GSE1: variants seen among roughly 807,000 people sequenced by gnomAD.
GSE1 encodes Gse1 coiled-coil protein.
Under a neutral mutation model 112.6 loss-of-function variants are expected in GSE1, and 32 were observed. The ratio of observed to expected loss-of-function variants is 0.28; its 90% confidence interval spans 0.21 to 0.38. The LOEUF is 0.38. GSE1 is among the 10% of genes least tolerant of loss of function. The pLI is 1.00. For missense variants in GSE1, 2,348 were observed against 1,699.2 expected (o/e 1.38, Z -6.71); for synonymous variants, 1,115 against 735.6 (o/e 1.52, Z -8.35).
chr16:85,284,256 G>T lies in GSE1; in HGVS notation c.2284-73207G>T, dbSNP rs1199179851. ...GACTCTTGGCGTGTAATCACAGCAT[G>T]TGGCGCGAGGACAAAGAACATGACA... On this transcript the variant is annotated intron_variant, in intron 1 of 2. Coordinates refer to the GSE1 transcript ENST00000637419. Among the ~76,000 whole-genome samples the T allele has an allele frequency of 2.0e-5, 3 of 152,262 alleles. No individual in the cohort carries two copies. In the East Asian group the frequency reaches 5.8e-4, roughly 29 times the overall value.
At chr16:85,452,549 G>C (rs1157997522) in intron 2 of GSE1, among the ~76,000 whole-genome samples, 1 of 152,250 alleles carries the variant, frequency 6.6e-6, no homozygotes, top group Non-Finnish European at 1.5e-5. Context: ...TGGTCTAAAG[G>C]ACGCAGATTC....
chr16:85,293,875 G>T (rs2045291285), intron 1 of GSE1, among the ~76,000 whole-genome samples: 1 of 152,158 alleles, frequency 6.6e-6, no homozygotes, highest in Admixed American at 6.5e-5. Context: ...CCTTAACCCA[G>T]CATGACCTCA....
At chr16:85,210,557 C>T (rs2075207644) in intron 1 of GSE1, among the ~76,000 whole-genome samples, 1 of 152,056 alleles carries the variant, frequency 6.6e-6, no homozygotes, top group African/African-American at 2.4e-5. Flanking sequence ...CCACTGTGCT[C>T]CAGCCTGGGC....
chr16:85,556,100 T>C (rs1431587059), exon 1 of GSE1: 1 of 981,550 alleles, frequency 1.0e-6, no homozygotes, highest in Admixed American at 6.2e-5. Flanking sequence ...CGAAATTGCC[T>C]GGGCGCTGGT....
At chr16:85,622,400 C>T (rs1295042724) in intron 1 of GSE1, among the ~76,000 whole-genome samples, 1 of 152,176 alleles carries the variant, frequency 6.6e-6, no homozygotes, top group East Asian at 1.9e-4. Flanking sequence ...CCTGTATTTC[C>T]TCTGTCCAGG....
At chr16:85,560,632 C>T (rs1387292170) in intron 1 of GSE1, among the ~76,000 whole-genome samples, 1 of 152,062 alleles carries the variant, frequency 6.6e-6, no homozygotes, top group Non-Finnish European at 1.5e-5. Context: ...AAGCTGTGGC[C>T]TCCACCTTCC....
intron 3 of GSE1, among the ~76,000 whole-genome samples, chr16:85,652,280 C>G (rs1046352056): frequency 6.6e-6 from 1 of 152,244 alleles, no homozygotes; most frequent in Non-Finnish European, 1.5e-5. Context: ...CCAGGTCTCC[C>G]AAGGTCAGGT....
chr16:85,259,966 C>T (rs554946165), intron 1 of GSE1, among the ~76,000 whole-genome samples: 67 of 152,370 alleles, frequency 4.4e-4, no homozygotes, highest in African/African-American at 1.6e-3. Flanking sequence ...GGGCCCGACA[C>T]AGCTTCCTGG....
upstream of GSE1, among the ~76,000 whole-genome samples, chr16:85,610,805 T>G (rs1052084843): frequency 8.5e-5 from 13 of 152,208 alleles, no homozygotes; most frequent in South Asian, 4.1e-4. Flanking sequence ...TGTGTGCACA[T>G]GATCTTGAGC....
chr16:85,402,094 C>T (rs1352357469), intron 2 of GSE1, among the ~76,000 whole-genome samples: 1 of 152,194 alleles, frequency 6.6e-6, no homozygotes, highest in East Asian at 1.9e-4. Context: ...GTTTGAGAAC[C>T]ACTGGCCCAG....
chr16:85,494,816 C>A (rs778658881), intron 2 of GSE1, among the ~76,000 whole-genome samples: 7 of 152,242 alleles, frequency 4.6e-5, no homozygotes, highest in East Asian at 1.9e-4. Flanking sequence ...CCAAGTGTGA[C>A]CCCCTGTTCT....
chr16:85,654,803 G>A lies in GSE1; in HGVS notation c.609G>A (p.Arg203=), dbSNP rs574985966. 1.6e-5 allele frequency: 26 copies of A among 1,609,724 alleles called. No individual in the cohort carries two copies. The East Asian group carries it at 5.8e-4, about 36-fold the overall frequency. The part of the protein sequence containing the change: ...DSRFPPLNLQ[R]PVHHVVPPST... ...CTATCCCCGCCTGCAGCCTCCAGCGGCCCGTGCACCACGTGGTGCCCCCCA... is the reference window on the plus strand; with the variant it reads ...CTATCCCCGCCTGCAGCCTCCAGCGACCCGTGCACCACGTGGTGCCCCCCA... Residue 203 remains arginine, a synonymous_variant, in exon 5 of 16, where the codon CGG becomes CGA. Transcript: ENST00000253458.
rs2046501862 is a variant in GSE1, at chr16:85,336,951, C to T, written c.2284-20512C>T. Among the ~76,000 whole-genome samples, 7 of 152,212 alleles carry T rather than the reference C, an allele frequency of 4.6e-5. No individual in the cohort carries two copies. The South Asian group carries it at 1.0e-3, about 23-fold the overall frequency. ...ATGCACACGCTGACATGCACACATG[C>T]TTGTATACACATAGGCACACATATA... On this transcript the variant is annotated intron_variant, in intron 1 of 2. Coordinates refer to the GSE1 transcript ENST00000637419.
intron 2 of GSE1, among the ~76,000 whole-genome samples, chr16:85,444,946 G>T (rs766271296): frequency 6.6e-6 from 1 of 152,284 alleles, no homozygotes; most frequent in Non-Finnish European, 1.5e-5. Flanking sequence ...CACTGCCCAC[G>T]TTGTCACAGG....
chr16:85,571,645 G>A (rs144097853), intron 1 of GSE1, among the ~76,000 whole-genome samples: 1 of 152,324 alleles, frequency 6.6e-6, no homozygotes, highest in African/African-American at 2.4e-5. Flanking sequence ...GGGACCTGGA[G>A]CAGGGACCTG....
intron 2 of GSE1, among the ~76,000 whole-genome samples, chr16:85,443,073 C>T (rs1463453863): frequency 6.6e-6 from 1 of 152,222 alleles, no homozygotes; most frequent in Non-Finnish European, 1.5e-5. Flanking sequence ...GGCATGGTCT[C>T]ATCTGAGATC....
intron 2 of GSE1, among the ~76,000 whole-genome samples, chr16:85,403,803 AAAC>A (rs1398033441): frequency 2.0e-5 from 3 of 152,100 alleles, no homozygotes; most frequent in Non-Finnish European, 4.4e-5. Context: ...CCCTGTCTCA[AAAC>A]AACAACAACA....
At chr16:85,451,737 C>CTGG (rs1167327724) in intron 2 of GSE1, among the ~76,000 whole-genome samples, 5,009 of 52,004 alleles carry the variant, frequency 0.096, 1,295 homozygotes, top group East Asian at 0.3. Flanking sequence ...GGTGTGTGTG[C>CTGG]TGGTGGTTGG....
intron 1 of GSE1, among the ~76,000 whole-genome samples, chr16:85,321,979 G>A (rs2046117383): frequency 6.6e-6 from 1 of 152,182 alleles, no homozygotes; most frequent in Non-Finnish European, 1.5e-5. Flanking sequence ...GACCGCCAGG[G>A]CCGTGTCCAC....
Sources: gnomAD v4.1 joint callset for allele counts (sites outside exome capture counted in the v4.1 genomes callset) on GRCh38, gnomAD v4.1.1 for gene constraint, MANE v1.5 for transcripts, NCBI Gene and HGNC (gene_info 2026-07-23, HGNC 2026-07-21) for gene names.